DCAF1: variants seen among roughly 807,000 people sequenced by gnomAD.
DCAF1 encodes DDB1- and CUL4-associated factor 1.
In DCAF1, 15 loss-of-function variants were observed where a neutral mutation model predicts 128.0. The observed-to-expected ratio is 0.12, with a 90% CI of 0.08 to 0.18. The LOEUF is 0.18. DCAF1 is among the 10% of genes least tolerant of loss of function. The probability of loss-of-function intolerance (pLI) is 1.00; values close to 1 mark genes in which losing one functional copy is unlikely to be tolerated. For synonymous variants in DCAF1, 610 were observed against 603.0 expected (o/e 1.01, Z -0.17); for missense variants, 988 against 1,649.5 (o/e 0.60, Z 6.95).
intron 23 of DCAF1, among the ~76,000 whole-genome samples, chr3:51,403,853 G>C (rs567239072): frequency 6.6e-6 from 1 of 152,304 alleles, no homozygotes; most frequent in South Asian, 2.1e-4. Context: ...TCTTGCCCTT[G>C]ATCTTCTAAC....
In DCAF1 at chr3:51,420,828, G is replaced by C. The variant is rs922463030; in HGVS notation, c.2142C>G (p.Asn714Lys). The C allele has an allele frequency of 6.2e-7, 1 of 1,613,888 alleles. No individual in the cohort carries two copies. Among genetic ancestry groups the C allele is most frequent in the African/African-American group, 1.3e-5 (1 of 74,904 alleles). ...CCAGGGTGTGCTCACTGCTTTTAGG[G>C]TTCTGAGGCAGCTTTCTCCGAGGAG... ...SGTPRRKLPQ[N>K]PKSSEHTLAK... The change falls in exon 15 of 25, where the codon AAC becomes AAG. Residue 714 changes from asparagine (N) to lysine (K), a missense_variant. By Grantham distance (94) the Asn-to-Lys change is moderately conservative. Coordinates refer to ENST00000684031, the MANE Select transcript of DCAF1 (RefSeq NM_001387579.1). The surrounding 1 kb of genome is among the most constrained non-coding windows in gnomAD (Gnocchi z 6.5).
downstream of DCAF1, chr3:51,397,354 C>T (rs2089267332): frequency 6.0e-6 from 1 of 167,110 alleles, no homozygotes; most frequent in South Asian, 2.1e-4. Flanking sequence ...TATCTTTCTA[C>T]AAACGCAGAC....
chr3:51,420,302 C>T lies in DCAF1; in HGVS notation c.2668G>A (p.Val890Ile). The change falls in exon 15 of 25, where the codon GTC becomes ATC. Residue 890 changes from valine to isoleucine, a missense_variant. By Grantham distance (29) the Val-to-Ile change is conservative (BLOSUM62 3). Transcript: ENST00000684031. This position sits in a 1 kb window ranked among gnomAD's most constrained non-coding sequence, Gnocchi z 6.5. ...GAGACAGGAGAAGCAGCAGCAGTGA[C>T]TGGGGTAAAGGCAGAAGAATGGGAG... Reference protein sequence around the residue: ...AASHSSAFTPVTAAASPVSLP... With the variant: ...AASHSSAFTPITAAASPVSLP... 6.2e-7 allele frequency: 1 copy of T among 1,613,988 alleles called. No individual in the cohort carries two copies. The highest frequency in any genetic ancestry group is 1.1e-5 in the South Asian group (1 of 91,080).
chr3:51,493,461 G>A (rs1340775476), intron 2 of DCAF1, among the ~76,000 whole-genome samples: 2 of 151,490 alleles, frequency 1.3e-5, no homozygotes, highest in South Asian at 4.2e-4. Flanking sequence ...AAAAAAAAAA[G>A]GAATTCAAAC....
rs1553638871 is a variant in DCAF1, at chr3:51,441,792, AAAGGGGTTCAGAAGAGAGCTTCCGTGG to A, written c.592_618del (p.Pro198_Leu206del). 3.7e-6 allele frequency: 6 copies of A among 1,613,966 alleles called. No homozygotes were observed. The highest frequency in any genetic ancestry group is 5.1e-6 in the Non-Finnish European group (6 of 1,179,882). The stretch of plus-strand genomic sequence containing the variant: ...TCCACAGCCTCCTCATCCAGAGGCA[AAAGGGGTTCAGAAGAGAGCTTCCGTGG>A]ACTGGGACGCTTGTTTTCCTGCCGC... On this transcript the variant is annotated inframe_deletion, in exon 8 of 25. Transcript: ENST00000684031.
At chr3:51,429,537 A>T (rs140287100) in intron 11 of DCAF1, 67 bp from the exon 12 acceptor site, 80 of 744,698 alleles carry the variant, frequency 1.1e-4, no homozygotes, top group South Asian at 6.3e-4. Context: ...AAAAATATTT[A>T]AAAAAGGGAA....
At chr3:51,402,679 A>G (rs374580730) in intron 24 of DCAF1, among the ~76,000 whole-genome samples, 157 of 144,108 alleles carry the variant, frequency 1.1e-3, no homozygotes, top group South Asian at 3.7e-3. Flanking sequence ...GGTTCAAGCG[A>G]TTCTCCTGCC....
Position 51,491,042 on chromosome 3 carries a change from A to G in DCAF1, c.-9+5692T>C, listed in dbSNP as rs73078661. On this transcript the variant is annotated intron_variant, in intron 2 of 24. Coordinates refer to ENST00000684031, the MANE Select transcript of DCAF1 (RefSeq NM_001387579.1). ...CCTGAATAGGCACAACAATCTTGGA[A>G]AAAAAAAAAAAAAAAACAAAGTCGG... 3.6e-3 allele frequency among the ~76,000 whole-genome samples: 41 copies of G among 11,290 alleles called. 1 individual carries two copies. The highest frequency in any genetic ancestry group is 0.012 in the South Asian group (2 of 168). 7.4% of individuals were successfully genotyped at this position (11,290 alleles called of 152,430 possible).
At chr3:51,441,168 A>G in intron 8 of DCAF1, 97 bp from the exon 9 acceptor site, 1 of 1,259,828 alleles carries the variant, frequency 7.9e-7, no homozygotes. Flanking sequence ...GAAATGATGC[A>G]CCTCTTCCTC....
intron 2 of DCAF1, among the ~76,000 whole-genome samples, chr3:51,490,027 C>T (rs1484828573): frequency 6.6e-6 from 1 of 152,098 alleles, no homozygotes; most frequent in Non-Finnish European, 1.5e-5. Flanking sequence ...TACTGCTATA[C>T]ACTAGCCAAA....
chr3:51,434,227 C>G (rs1321382474), intron 9 of DCAF1, among the ~76,000 whole-genome samples: 1 of 152,104 alleles, frequency 6.6e-6, no homozygotes, highest in African/African-American at 2.4e-5. Context: ...CATAGCACAA[C>G]CCCATCTCCA....
intron 3 of DCAF1, among the ~76,000 whole-genome samples, chr3:51,483,294 G>C (rs1553653704): frequency 6.6e-6 from 1 of 151,708 alleles, no homozygotes; most frequent in African/African-American, 2.4e-5. Flanking sequence ...ATAAAAAGTA[G>C]CCGGGCATGG....
downstream of DCAF1, chr3:51,395,870 A>ATGTT (rs2089167296): frequency 2.4e-6 from 1 of 413,402 alleles, no homozygotes; most frequent in Admixed American, 4.4e-5. Flanking sequence ...ACACAAAGAC[A>ATGTT]TGTTAAGCAT....
At chr3:51,429,158 A>G (rs183519708) in intron 12 of DCAF1, 103 bp downstream of exon 12, 1 of 677,530 alleles carries the variant, frequency 1.5e-6, no homozygotes, top group Admixed American at 2.1e-5. Flanking sequence ...TACTCCAACA[A>G]TGGACATAGC....
At chr3:51,432,066 T>A (rs1401866994) in intron 10 of DCAF1, among the ~76,000 whole-genome samples, 1 of 150,172 alleles carries the variant, frequency 6.7e-6, no homozygotes, top group East Asian at 2.0e-4. Flanking sequence ...AAGTCAGGAG[T>A]TCGAGACCAG....
chr3:51,451,066 A>ATTT (rs1559527264), intron 6 of DCAF1, among the ~76,000 whole-genome samples: 18 of 32,820 alleles, frequency 5.5e-4, no homozygotes, highest in South Asian at 1.1e-3. Flanking sequence ...TAAAAAGGAA[A>ATTT]TTCTTTTTTT....
chr3:51,495,090 A>G (rs1553660045), intron 2 of DCAF1, among the ~76,000 whole-genome samples: 5 of 151,878 alleles, frequency 3.3e-5, no homozygotes, highest in Admixed American at 3.3e-4. Context: ...TGGGAGGCCA[A>G]TGCGGGTGTA....
At chr3:51,437,416 A>C (rs1553637211) in intron 9 of DCAF1, 1 of 512,302 alleles carries the variant, frequency 2.0e-6, no homozygotes, top group East Asian at 5.5e-5. Context: ...GACTAAGCTG[A>C]TCTGAATGGA....
intron 6 of DCAF1, among the ~76,000 whole-genome samples, chr3:51,444,955 A>C (rs782134143): frequency 6.6e-6 from 1 of 151,676 alleles, no homozygotes; most frequent in Non-Finnish European, 1.5e-5. Context: ...GATTACAGGC[A>C]TGAGCCACCA....
Sources: allele counts gnomAD v4.1 joint callset (sites outside exome capture counted in the v4.1 genomes callset), GRCh38; gene constraint gnomAD v4.1.1; non-coding constraint Gnocchi (gnomAD v3.1); transcripts MANE v1.5; gene names NCBI Gene and HGNC (gene_info 2026-07-23, HGNC 2026-07-21).